Variants in LRP1B observed in about 807,000 individuals in gnomAD.
LRP1B encodes the protein LDL receptor related protein 1B.
In LRP1B, 217 loss-of-function variants were observed where a neutral mutation model predicts 556.6. The ratio of observed to expected loss-of-function variants is 0.39; its 90% CI spans 0.35 to 0.44. The LOEUF (loss-of-function observed/expected upper bound fraction) is 0.44. LRP1B is among the 20% of genes least tolerant of loss of function. The probability of loss-of-function intolerance (pLI) is 1.00; values close to 1 mark genes in which losing one functional copy is unlikely to be tolerated. For synonymous variants in LRP1B, 2,047 were observed against 1,865.8 expected, an observed-to-expected ratio of 1.10 and a Z score of -2.50; for missense variants, 5,053 against 5,620.8, an observed-to-expected ratio of 0.90 and a Z score of 3.23.
Position 141,737,937 on chromosome 2 carries a change from A to G in LRP1B, c.205+72342T>C, listed in dbSNP as rs193287829. ...TGATAGAGTATTTGCTGTCCTATCA[A>G]TATATCTGAACTAGCCACGTCTTTA... On this transcript the variant is annotated intron_variant, in intron 2 of 90. Transcript: ENST00000389484. 1.1e-4 allele frequency among the ~76,000 whole-genome samples: 17 copies of G among 152,252 alleles called. 1 individual carries two copies. Among genetic ancestry groups the G allele is most frequent in the Admixed American group, 9.2e-4 (14 of 15,270 alleles).
intron 60 of LRP1B, among the ~76,000 whole-genome samples, chr2:140,471,972 T>A (rs946526545): frequency 6.6e-6 from 1 of 152,210 alleles, no homozygotes. Flanking sequence ...ACTTTCCCTC[T>A]ATGGGGAGCT....
chr2:141,584,555 A>C (rs960453559), intron 2 of LRP1B, among the ~76,000 whole-genome samples: 1 of 150,578 alleles, frequency 6.6e-6, no homozygotes, highest in South Asian at 2.1e-4. Flanking sequence ...TATTTATGAT[A>C]TGTATATATT....
At chr2:141,383,375 GA>G (rs1689711802) in intron 3 of LRP1B, among the ~76,000 whole-genome samples, 5 of 151,900 alleles carry the variant, frequency 3.3e-5, no homozygotes, top group Admixed American at 3.3e-4. Context: ...ATATCCAAAG[GA>G]AAAAAATAAA....
intron 1 of LRP1B, among the ~76,000 whole-genome samples, chr2:141,899,194 G>T (rs1429665616): frequency 6.6e-6 from 1 of 152,062 alleles, no homozygotes; most frequent in Admixed American, 6.6e-5. Flanking sequence ...CTAATAAAAA[G>T]CTTTCATCCA....
intron 11 of LRP1B, among the ~76,000 whole-genome samples, chr2:141,039,996 A>G (rs1459504920): frequency 6.6e-6 from 1 of 152,132 alleles, no homozygotes; most frequent in African/African-American, 2.4e-5. Context: ...CACTGTCAAC[A>G]GGAGTCAGTA....
chr2:140,317,478 C>T (rs566955536), intron 82 of LRP1B, among the ~76,000 whole-genome samples: 2 of 150,478 alleles, frequency 1.3e-5, no homozygotes, highest in South Asian at 2.1e-4. Context: ...GGTGGGAACA[C>T]AAGGATGATG....
chr2:142,041,205 A>T (rs1038351622), intron 1 of LRP1B, among the ~76,000 whole-genome samples: 8 of 151,322 alleles, frequency 5.3e-5, no homozygotes, highest in African/African-American at 1.9e-4. Context: ...TGAGAAGAAG[A>T]TTTGTAACTT....
rs146260369 is a variant in LRP1B at position 141,596,101 on chromosome 2, C to T, written c.206-115568G>A. 6.2e-3 allele frequency among the ~76,000 whole-genome samples: 937 copies of T among 151,854 alleles called. 9 individuals carry two copies. The highest frequency in any genetic ancestry group is 0.022 in the African/African-American group (903 of 41,460). ...GATATTTGGATACCAACAGATATAG[C>T]GAACCATGGCAAACCTTTTGTTTAT... On this transcript the variant is annotated intron_variant, in intron 2 of 90. Coordinates refer to ENST00000389484, the MANE Select transcript of LRP1B (RefSeq NM_018557.3).
rs529411651 is a variant in LRP1B, at chr2:140,632,953, C to T, written c.6800-31314G>A. On this transcript the variant is annotated intron_variant, in intron 41 of 90. Transcript: ENST00000389484. The stretch of plus-strand genomic sequence containing the variant: ...TGGCAGGCACCTGTAGTCCCAGCTA[C>T]GTGGGAGGCTGAGGCAGGAGAATGG... Among the ~76,000 whole-genome samples the T allele has an allele frequency of 5.9e-5, 9 of 151,688 alleles. No homozygotes were observed. In the East Asian group the frequency reaches 1.4e-3, roughly 23 times the overall value.
intron 35 of LRP1B, among the ~76,000 whole-genome samples, chr2:140,730,232 C>A (rs1687730577): frequency 6.6e-6 from 1 of 152,178 alleles, no homozygotes; most frequent in Non-Finnish European, 1.5e-5. Context: ...ATCTCAAATA[C>A]ACTCTAACAA....
Position 142,096,836 on chromosome 2 carries a change from C to T in LRP1B, c.82+33812G>A, listed in dbSNP as rs114932349. Among the ~76,000 whole-genome samples the T allele has an allele frequency of 2.1e-3, 320 of 151,654 alleles. 2 individuals carry two copies. Among genetic ancestry groups the T allele is most frequent in the African/African-American group, 6.9e-3 (288 of 41,478 alleles). On this transcript the variant is annotated intron_variant, in intron 1 of 90. Coordinates refer to ENST00000389484, the MANE Select transcript of LRP1B (RefSeq NM_018557.3). Reference sequence around the variant, plus strand: ...ATGACCCCATCACCCAGGTACTGAGCATAGTACCTAATAGTTTTTTAACCC... The same window carrying T: ...ATGACCCCATCACCCAGGTACTGAGTATAGTACCTAATAGTTTTTTAACCC...
intron 32 of LRP1B, among the ~76,000 whole-genome samples, chr2:140,797,738 T>G (rs550702804): frequency 6.6e-6 from 1 of 152,282 alleles, no homozygotes; most frequent in Admixed American, 6.5e-5. Context: ...ATAAGCTATT[T>G]TTTAACTAGA....
chr2:140,354,114 C>T (rs1162673179), intron 75 of LRP1B, among the ~76,000 whole-genome samples: 2 of 152,002 alleles, frequency 1.3e-5, no homozygotes, highest in Non-Finnish European at 2.9e-5. Context: ...CTCTCTTTTC[C>T]TCCTCTACTT....
chr2:141,935,663 A>G (rs1311495801), intron 1 of LRP1B, among the ~76,000 whole-genome samples: 1 of 152,230 alleles, frequency 6.6e-6, no homozygotes, highest in Non-Finnish European at 1.5e-5. Flanking sequence ...AACAAATTTT[A>G]AGAAAACATC....
At chr2:141,432,549 A>C (rs1477352816) in intron 3 of LRP1B, among the ~76,000 whole-genome samples, 2 of 152,038 alleles carry the variant, frequency 1.3e-5, no homozygotes, top group East Asian at 3.9e-4. Flanking sequence ...TTAACCTTGA[A>C]GCTATCTGGG....
intron 43 of LRP1B, among the ~76,000 whole-genome samples, chr2:140,567,222 C>T (rs566380220): frequency 6.6e-6 from 1 of 152,110 alleles, no homozygotes; most frequent in Non-Finnish European, 1.5e-5. Flanking sequence ...CTGCCCCTTG[C>T]CCCCAGGGTC....
chr2:142,074,781 A>T (rs1485442061), intron 1 of LRP1B, among the ~76,000 whole-genome samples: 1 of 152,082 alleles, frequency 6.6e-6, no homozygotes, highest in Non-Finnish European at 1.5e-5. Flanking sequence ...CTTCCAAAAT[A>T]TGATTTGTAT....
chr2:141,674,619 G>C (rs1283942238), intron 2 of LRP1B, among the ~76,000 whole-genome samples: 1 of 151,924 alleles, frequency 6.6e-6, no homozygotes, highest in African/African-American at 2.4e-5. Context: ...CACGTGCATG[G>C]TTTCATTTAA....
chr2:141,155,486 A>AT (rs912750729), intron 7 of LRP1B, among the ~76,000 whole-genome samples: 32 of 137,564 alleles, frequency 2.3e-4, no homozygotes, highest in African/African-American at 3.4e-4. Context: ...TTTTATTATT[A>AT]TTTTTTTTTA....
Sources: gnomAD v4.1 joint callset for allele counts (sites outside exome capture counted in the v4.1 genomes callset) on GRCh38, gnomAD v4.1.1 for gene constraint, MANE v1.5 for transcripts, NCBI Gene and HGNC (gene_info 2026-07-23, HGNC 2026-07-21) for gene names.